Variants in PUM2 observed in about 807,000 individuals in gnomAD.
PUM2 encodes the protein pumilio RNA binding family member 2, also known as pumilio homolog 2.
PUM2 carries 57 observed loss-of-function variants against 124.5 expected under a neutral mutation model. The observed-to-expected ratio is 0.46, with a 90% CI of 0.37 to 0.57. The LOEUF (loss-of-function observed/expected upper bound fraction) is 0.57, where lower values mean the gene tolerates loss of function less well. PUM2 is among the 20% of genes least tolerant of loss of function. The pLI, the probability that PUM2 is intolerant of heterozygous loss-of-function variation, is 0.00. For synonymous variants in PUM2, 460 were observed against 446.1 expected (o/e 1.03, Z -0.39); for missense variants, 1,065 against 1,290.6 (o/e 0.83, Z 2.68).
intron 1 of PUM2, among the ~76,000 whole-genome samples, chr2:20,347,181 G>T (rs1440690085): frequency 6.6e-6 from 1 of 152,198 alleles, no homozygotes; most frequent in African/African-American, 2.4e-5. Context: ...TAAACTTGCA[G>T]AATGGAACTT....
intron 9 of PUM2, 68 bp downstream of exon 9, chr2:20,294,308 T>C (rs956729076): frequency 1.9e-5 from 29 of 1,553,462 alleles, no homozygotes; most frequent in Non-Finnish European, 2.3e-5. Flanking sequence ...AAAACACAAA[T>C]CTTAAACATT....
intron 16 of PUM2, among the ~76,000 whole-genome samples, chr2:20,256,463 C>A (rs1664783104): frequency 6.6e-6 from 1 of 152,136 alleles, no homozygotes; most frequent in African/African-American, 2.4e-5. Flanking sequence ...CGTAGTGATG[C>A]TGAACTTGCT....
At chr2:20,340,130 A>C (rs527686501) in intron 1 of PUM2, among the ~76,000 whole-genome samples, 8 of 152,332 alleles carry the variant, frequency 5.3e-5, no homozygotes, top group African/African-American at 1.9e-4. Context: ...TGTATTCTTT[A>C]ACAGGTTAGG....
At chr2:20,299,395 T>C (rs13412971) in intron 7 of PUM2, among the ~76,000 whole-genome samples, 5,231 of 152,192 alleles carry the variant, frequency 0.034, 90 homozygotes, top group Middle Eastern at 0.068. Flanking sequence ...CCAGGCATGG[T>C]GGCTCATGCC....
In PUM2 at chr2:20,249,531, C is replaced by G. The variant is rs1229637460; in HGVS notation, c.*2054G>C. On this transcript the variant is annotated 3_prime_UTR_variant, in exon 21 of 21. Transcript: ENST00000361078. ...GTTGGGTTAGAAAAGTAAAATAACT[C>G]AACACCAAACATGAAAAAGTATGCC... The G allele has an allele frequency of 1.3e-5, 2 of 152,656 alleles. No individual in the cohort carries two copies. The highest frequency in any genetic ancestry group is 2.9e-5 in the Non-Finnish European group (2 of 68,028). 9.5% of individuals were successfully genotyped at this position (152,656 alleles called of 1,614,324 possible).
At chr2:20,261,270 A>G (rs1464615015) in intron 14 of PUM2, among the ~76,000 whole-genome samples, 2 of 151,796 alleles carry the variant, frequency 1.3e-5, no homozygotes, top group African/African-American at 4.8e-5. Context: ...AGACGCCTGT[A>G]AGCCCAGCTA....
chr2:20,274,360 G>A (rs1349217265), intron 13 of PUM2, among the ~76,000 whole-genome samples: 2 of 152,080 alleles, frequency 1.3e-5, no homozygotes, highest in African/African-American at 4.8e-5. Flanking sequence ...ATGGCAGGTG[G>A]CCTTACTATC....
chr2:20,260,398 T>G lies in PUM2; in HGVS notation c.2294A>C (p.Gln765Pro). ...ATCAGTCATTAATTGATAGGCTGCT[T>G]GCAGAATTTCATTAAATACCATCTG... ...ERQMVFNEILQAAYQLMTDVF... is the reference protein window; with the variant it reads ...ERQMVFNEILPAAYQLMTDVF... The change falls in exon 15 of 21, where the codon CAA becomes CCA. Residue 765 changes from glutamine to proline, a missense_variant. Gln to Pro is a moderately conservative substitution (Grantham distance 76, BLOSUM62 -1). Coordinates refer to ENST00000361078, the MANE Select transcript of PUM2 (RefSeq NM_015317.5). 6.2e-7 allele frequency: 1 copy of G among 1,612,640 alleles called. No homozygotes were observed. The highest frequency in any genetic ancestry group is 8.5e-7 in the Non-Finnish European group (1 of 1,178,854).
chr2:20,270,125 C>T (rs953970475), intron 13 of PUM2, among the ~76,000 whole-genome samples: 13 of 152,136 alleles, frequency 8.5e-5, no homozygotes, highest in Non-Finnish European at 1.2e-4. Context: ...CCCCTAACCC[C>T]GCAAAAGAGT....
intron 13 of PUM2, among the ~76,000 whole-genome samples, chr2:20,273,638 T>C (rs529921653): frequency 5.9e-5 from 9 of 152,310 alleles, no homozygotes; most frequent in Admixed American, 1.3e-4. Flanking sequence ...TTCCTACTCA[T>C]CAGCAAATAA....
intron 9 of PUM2, among the ~76,000 whole-genome samples, chr2:20,292,066 T>G (rs3732160): frequency 1.5e-5 from 2 of 135,700 alleles, no homozygotes; most frequent in Non-Finnish European, 3.2e-5. Flanking sequence ...TCTGGCTTAG[T>G]GTCATCTTCC....
At chr2:20,316,295 T>C (rs1680920029) in intron 3 of PUM2, among the ~76,000 whole-genome samples, 3 of 152,152 alleles carry the variant, frequency 2.0e-5, no homozygotes, top group Admixed American at 6.5e-5. Flanking sequence ...TTTAGCTTTT[T>C]GGCAATTATT....
At chr2:20,311,000 T>G (rs1679469850) in intron 5 of PUM2, among the ~76,000 whole-genome samples, 1 of 152,094 alleles carries the variant, frequency 6.6e-6, no homozygotes, top group Non-Finnish European at 1.5e-5. Context: ...GCAGGAATAA[T>G]CTTAAGTATT....
chr2:20,290,206 G>A (rs575062754), intron 10 of PUM2, among the ~76,000 whole-genome samples: 2 of 152,210 alleles, frequency 1.3e-5, no homozygotes, highest in South Asian at 4.2e-4. Flanking sequence ...AGTTTTAAAC[G>A]CTATAAATGG....
At chr2:20,264,728 C>CTA (rs1283035682) in intron 13 of PUM2, among the ~76,000 whole-genome samples, 1 of 151,972 alleles carries the variant, frequency 6.6e-6, no homozygotes, top group Non-Finnish European at 1.5e-5. Flanking sequence ...CAGAGTAGTA[C>CTA]TATATATACA....
At chr2:20,345,792 A>G (rs557932308) in intron 1 of PUM2, among the ~76,000 whole-genome samples, 15 of 152,304 alleles carry the variant, frequency 9.8e-5, no homozygotes, top group Non-Finnish European at 2.2e-4. Flanking sequence ...GAATCGGTTG[A>G]ACCTGGGAGG....
At chr2:20,263,082 C>T (rs1226182196) in intron 14 of PUM2, 111 bp downstream of exon 14, 16 of 989,916 alleles carry the variant, frequency 1.6e-5, no homozygotes, top group Non-Finnish European at 2.2e-5. Flanking sequence ...TGAATTTTAG[C>T]TCTTAAAAGC....
chr2:20,297,674 A>G lies in PUM2; in HGVS notation c.888T>C (p.Gly296=). 6.2e-7 allele frequency: 1 copy of G among 1,608,272 alleles called. No homozygotes were observed. Among genetic ancestry groups the G allele is most frequent in the Admixed American group, 1.7e-5 (1 of 58,552 alleles). Residue 296 remains glycine, a synonymous_variant, in exon 8 of 21, where the codon GGT becomes GGC. Coordinates refer to ENST00000361078, the MANE Select transcript of PUM2 (RefSeq NM_015317.5). ...LAAAQQPHIA[G]VFSAGLAPAA... The stretch of plus-strand genomic sequence containing the variant: ...CTGGAGCAAGGCCTGCTGAGAATAC[A>G]CCAGCTATATTTTAAAAGGGGAGAA...
chr2:20,270,183 T>C (rs539148852), intron 13 of PUM2, among the ~76,000 whole-genome samples: 1 of 152,320 alleles, frequency 6.6e-6, no homozygotes, highest in East Asian at 1.9e-4. Context: ...CCTGTTGGCT[T>C]TTCCCTGCAT....
Sources: gnomAD v4.1 joint callset for allele counts (sites outside exome capture counted in the v4.1 genomes callset) on GRCh38, gnomAD v4.1.1 for gene constraint, MANE v1.5 for transcripts, NCBI Gene and HGNC (gene_info 2026-07-23, HGNC 2026-07-21) for gene names.